The following A1BG variants were observed in gnomAD, a reference collection of about 807,000 sequenced individuals.
The protein encoded by A1BG is alpha-1-B glycoprotein.
A neutral mutation model predicts 46.0 loss-of-function variants in A1BG; 44 were observed. The observed-to-expected ratio is 0.96, with a 90% CI of 0.75 to 1.23. The LOEUF is 1.23. Among genes scored for constraint, A1BG ranks in the 50% most tolerant of loss-of-function variants. The probability of loss-of-function intolerance (pLI) is 0.00; values close to 1 mark genes in which losing one functional copy is unlikely to be tolerated. For synonymous variants in A1BG, 316 were observed against 314.7 expected, an observed-to-expected ratio of 1.00 and a Z score of -0.04; for missense variants, 707 against 688.8, an observed-to-expected ratio of 1.03 and a Z score of -0.30.
chr19:58,350,256 C>T, intron 6 of A1BG, 114 bp downstream of exon 6: 3 of 1,337,354 alleles, frequency 2.2e-6, no homozygotes, highest in Non-Finnish European at 3.0e-6. Flanking sequence ...GCGATGGGGG[C>T]TGAACCAAGG....
chr19:58,348,053 TA>T (rs1195540947), intron 6 of A1BG, among the ~76,000 whole-genome samples: 3 of 152,176 alleles, frequency 2.0e-5, no homozygotes, highest in Non-Finnish European at 1.5e-5. Flanking sequence ...AGTTTAACTT[TA>T]AAAGTGTATT....
chr19:58,345,446 T>C lies in A1BG; in HGVS notation c.*1576A>G, dbSNP rs1265955. The C allele has an allele frequency of 0.91, 138,157 of 152,194 alleles. 63,039 individuals are homozygous for C. Among genetic ancestry groups the C allele is most frequent in the Non-Finnish European group, 0.95 (64,896 of 68,030 alleles). The allele number at this position is 152,194 out of a possible 1,614,324, so 9.4% of individuals were successfully genotyped here. On this transcript the variant is annotated 3_prime_UTR_variant, in exon 8 of 8. Coordinates refer to ENST00000263100, the MANE Select transcript of A1BG (RefSeq NM_130786.4). ...TGGGAGGCTGAGGCGGGTGGATCAC[T>C]TGAGCTCAGGAGTTGGAGACCAGCC...
chr19:58,350,723 C>T (rs1369757179), intron 5 of A1BG, 72 bp from the exon 6 acceptor site: 3 of 1,306,270 alleles, frequency 2.3e-6, no homozygotes, highest in African/African-American at 3.1e-5. Flanking sequence ...TCTGGCCTCG[C>T]GCTCTTTGCC....
chr19:58,351,477 C>T lies in A1BG; in HGVS notation c.824G>A (p.Gly275Asp). ...CAGCCGGTAGCGGCAGGTGTAGTGA[C>T]CTCCATCCCCCAGGGCCACCGCGTT... is the stretch of plus-strand genomic sequence containing the variant. ...HLNAVALGDGGHYTCRYRLHD... is the reference protein window; with the variant it reads ...HLNAVALGDGDHYTCRYRLHD... Residue 275 changes from glycine (G) to aspartate (D), a missense_variant, in exon 5 of 8, where the codon GGT becomes GAT. Coordinates refer to ENST00000263100, the MANE Select transcript of A1BG (RefSeq NM_130786.4). 6.2e-7 allele frequency: 1 copy of T among 1,613,482 alleles called. No individual in the cohort carries two copies. The highest frequency in any genetic ancestry group is 8.5e-7 in the Non-Finnish European group (1 of 1,180,014).
chr19:58,347,787 C>T (rs963401785), intron 6 of A1BG, 147 bp from the exon 7 acceptor site: 4 of 459,084 alleles, frequency 8.7e-6, no homozygotes, highest in Admixed American at 9.3e-5. Context: ...GCAGAGGGCT[C>T]CTCCGGCGCC....
At position 58,347,636 on chromosome 19, in the gene A1BG, G is replaced by A; in HGVS notation, c.1197C>T (p.Pro399=). 2.1e-6 allele frequency: 3 copies of A among 1,439,328 alleles called. No individual in the cohort carries two copies. Among genetic ancestry groups the A allele is most frequent in the East Asian group, 2.8e-5 (1 of 36,058 alleles). 89.2% of individuals were successfully genotyped at this position (1,439,328 alleles called of 1,614,324 possible). A position where few individuals can be genotyped will look rare whatever the true frequency, so the allele number is the denominator to read the frequency against. ...SERLELHVDG[P]PPRPQLRATW... ...TCGCCCGGAGCTGAGGCCTGGGAGGGGGTCCTGGGCGGAGCGGGCGGGTGG... is the reference window on the plus strand; with the variant it reads ...TCGCCCGGAGCTGAGGCCTGGGAGGAGGTCCTGGGCGGAGCGGGCGGGTGG... The change falls in exon 7 of 8, where the codon CCC becomes CCT. Residue 399 remains proline (P), a synonymous_variant. Transcript: ENST00000263100.
Position 58,346,956 on chromosome 19 carries a change from A to T in A1BG, c.*66T>A, listed in dbSNP as rs550459885. On this transcript the variant is annotated 3_prime_UTR_variant, in exon 8 of 8. Coordinates refer to ENST00000263100, the MANE Select transcript of A1BG (RefSeq NM_130786.4). ...CGGCCTTGTGCTGCAACAGGAGGGG[A>T]GGGAGCCAGTCCAGAATCCCCGGCA... The T allele has an allele frequency of 6.3e-7, 1 of 1,581,202 alleles. No individual in the cohort carries two copies. The highest frequency in any genetic ancestry group is 8.7e-7 in the Non-Finnish European group (1 of 1,150,428).
rs375508010 is a variant in A1BG at position 58,353,426 on chromosome 19, G to A, written c.12C>T (p.Leu4=). 12 of 1,607,582 alleles carry A rather than the reference G, an allele frequency of 7.5e-6. No homozygotes were observed. The highest frequency in any genetic ancestry group is 3.4e-5 in the Admixed American group (2 of 59,522). Residue 4 remains leucine, a synonymous_variant, in exon 1 of 8, where the codon CTC becomes CTT. Transcript: ENST00000263100. ...CACCCCACAGCAAGAGAAAGACCAC[G>A]AGCATGGACATGATGGTCGCGCTCA... The part of the protein sequence containing the change: MSM[L]VVFLLLWGVT...
chr19:58,353,333 GAGAC>G lies in A1BG; in HGVS notation c.35-10_35-7del. 2 of 1,611,544 alleles carry G rather than the reference GAGAC, an allele frequency of 1.2e-6. No individual in the cohort carries two copies. Among genetic ancestry groups the G allele is most frequent in the South Asian group, 2.2e-5 (2 of 90,800 alleles). On this transcript the variant is annotated splice_region_variant and splice_polypyrimidine_tract_variant and intron_variant, in intron 1 of 7. Coordinates refer to ENST00000263100, the MANE Select transcript of A1BG (RefSeq NM_130786.4). ...CACTGGGCCCCAGGTGACACCTGCG[GAGAC>G]AGCCCCCGTAAGGCTCCTGTTCCCG...
In A1BG at chr19:58,350,658, A is replaced by T. The variant is rs2148000117; in HGVS notation, c.911-7T>A. Reference sequence around the variant, plus strand: ...TCCGGCGCGGGCAGCGTCTCTGCGGAGCAGCACACGGGCTGACCCGGGCGC... The same window carrying T: ...TCCGGCGCGGGCAGCGTCTCTGCGGTGCAGCACACGGGCTGACCCGGGCGC... On this transcript the variant is annotated splice_polypyrimidine_tract_variant and splice_region_variant and intron_variant, in intron 5 of 7. Coordinates refer to ENST00000263100, the MANE Select transcript of A1BG (RefSeq NM_130786.4). 1.4e-6 allele frequency: 2 copies of T among 1,389,454 alleles called. No homozygotes were observed. Among genetic ancestry groups the T allele is most frequent in the South Asian group, 1.6e-5 (1 of 61,420 alleles). The allele number at this position is 1,389,454 out of a possible 1,614,324, so 86.1% of individuals were successfully genotyped here. A position where few individuals can be genotyped will look rare whatever the true frequency, so the allele number is the denominator to read the frequency against.
Position 58,351,899 on chromosome 19 carries a change from G to A in A1BG, c.614-212C>T, listed in dbSNP as rs2051963213. 3 of 702,900 alleles carry A rather than the reference G, an allele frequency of 4.3e-6. No individual in the cohort carries two copies. In the African/African-American group the frequency reaches 5.4e-5, roughly 13 times the overall value. The allele number at this position is 702,900 out of a possible 1,614,324, so 43.5% of individuals were successfully genotyped here. A position where few individuals can be genotyped will look rare whatever the true frequency, so the allele number is the denominator to read the frequency against. ...CAAGCTCTGCCTCCCAGGTTCAAGG[G>A]ATTCTCCTGCCTCAGCCTCCTGAGT... On this transcript the variant is annotated intron_variant, in intron 4 of 7. Coordinates refer to ENST00000263100, the MANE Select transcript of A1BG (RefSeq NM_130786.4).
chr19:58,349,725 GAGAAAGAAGA>G (rs1471649132), intron 6 of A1BG: 1 of 149,310 alleles, frequency 6.7e-6, no homozygotes, highest in Non-Finnish European at 1.5e-5. Flanking sequence ...ATGAGAGAGA[GAGAAAGAAGA>G]AAAAAGAAGA....
chr19:58,353,029 T>C lies in A1BG; in HGVS notation c.239A>G (p.Gln80Arg). The change falls in exon 3 of 8, where the codon CAG (glutamine) becomes CGG (arginine). Residue 80 changes from glutamine (Q) to arginine (R), a missense_variant. Coordinates refer to ENST00000263100, the MANE Select transcript of A1BG (RefSeq NM_130786.4). ...VHLDSPAIKH[Q>R]FLLTGDTQGR... is the part of the protein sequence containing the mutation. Reference sequence around the variant, plus strand: ...CTGGGTGTCACCCGTCAGCAGGAACTGGTGCTTGATGGCAGGTGAGTCAAG... The same window carrying C: ...CTGGGTGTCACCCGTCAGCAGGAACCGGTGCTTGATGGCAGGTGAGTCAAG... 1 of 1,614,090 alleles carries C rather than the reference T, an allele frequency of 6.2e-7. No homozygotes were observed. Among genetic ancestry groups the C allele is most frequent in the Non-Finnish European group, 8.5e-7 (1 of 1,180,004 alleles).
chr19:58,351,762 T>G, intron 4 of A1BG, 75 bp from the exon 5 acceptor site: 2 of 1,367,044 alleles, frequency 1.5e-6, no homozygotes, highest in Middle Eastern at 2.1e-4. Flanking sequence ...ACCTCTGCCC[T>G]CCGGGTGGCA....
At position 58,350,437 on chromosome 19, in the gene A1BG, G is replaced by C. The variant is rs1349579292; in HGVS notation, c.1125C>G (p.Val375=). The change falls in exon 6 of 8, where the codon GTC becomes GTG. Residue 375 remains valine, a synonymous_variant. Transcript: ENST00000263100. ...SVADSANYSC[V]YVDLKPPFGG... ...CGAAAGGCGGCTTCAGGTCCACGTA[G>C]ACGCAGCTGTAGTTGGCGGAGTCAG... 1 of 1,552,176 alleles carries C rather than the reference G, an allele frequency of 6.4e-7. No homozygotes were observed. The highest frequency in any genetic ancestry group is 1.2e-5 in the South Asian group (1 of 84,232).
chr19:58,352,946 G>A lies in A1BG; in HGVS notation c.322C>T (p.Leu108=), dbSNP rs967156248. ...GGCTCACTTGGCCCTGTCAGCTCCA[G>A]GAGCTTGCTCAGCTGGGTCCATCCT... ...STGWTQLSKL[L]ELTGPKSLPA... The change falls in exon 3 of 8, where the codon CTG becomes TTG. Residue 108 remains leucine (L), a synonymous_variant. Transcript: ENST00000263100. 6.2e-7 allele frequency: 1 copy of A among 1,613,238 alleles called. No homozygotes were observed. Among genetic ancestry groups the A allele is most frequent in the African/African-American group, 1.3e-5 (1 of 75,032 alleles).
intron 4 of A1BG, 24 bp from the exon 5 acceptor site, chr19:58,351,711 G>T: frequency 6.4e-7 from 1 of 1,551,108 alleles, no homozygotes; most frequent in Middle Eastern, 1.7e-4. Context: ...AGCATTACTA[G>T]GCTGCCCCAT....
chr19:58,347,678 C>A (rs1321439713), intron 6 of A1BG, 38 bp from the exon 7 acceptor site: 5 of 1,286,376 alleles, frequency 3.9e-6, no homozygotes, highest in Admixed American at 9.3e-5. Flanking sequence ...CAGGCCACGC[C>A]CCAGGCCACG....
At chr19:58,351,723 C>T (rs749863368) in intron 4 of A1BG, 36 bp from the exon 5 acceptor site, 1 of 1,541,546 alleles carries the variant, frequency 6.5e-7, no homozygotes, top group Non-Finnish European at 8.8e-7. Context: ...CTGCCCCATC[C>T]CTGGAGCTGC....
Sources: gnomAD v4.1 joint callset for allele counts (sites outside exome capture counted in the v4.1 genomes callset) on GRCh38, gnomAD v4.1.1 for gene constraint, MANE v1.5 for transcripts, NCBI Gene and HGNC (gene_info 2026-07-23, HGNC 2026-07-21) for gene names.